The following TBCK variants were observed in gnomAD, a reference collection of about 807,000 sequenced individuals.
The protein encoded by TBCK is TBC1 domain containing kinase, also known as TBC domain-containing protein kinase-like protein.
TBCK carries 99 observed loss-of-function variants against 113.4 expected under a neutral mutation model. The observed-to-expected ratio is 0.87, with a 90% CI of 0.74 to 1.03. TBCK has a LOEUF of 1.03. Ranked by LOEUF, TBCK falls within the 50% of genes least tolerant of loss-of-function variation. The probability of loss-of-function intolerance (pLI) is 0.00; values close to 1 mark genes in which losing one functional copy is unlikely to be tolerated. For synonymous variants in TBCK, 369 were observed against 370.8 expected, an observed-to-expected ratio of 1.00 and a Z score of 0.05; for missense variants, 1,045 against 1,061.3, an observed-to-expected ratio of 0.98 and a Z score of 0.21.
At chr4:106,152,990 A>AT (rs1276374914) in intron 23 of TBCK, among the ~76,000 whole-genome samples, 9 of 151,896 alleles carry the variant, frequency 5.9e-5, no homozygotes, top group Non-Finnish European at 1.0e-4. Context: ...ACATTTGTTA[A>AT]TTTTGTTTAA....
chr4:106,101,000 A>G (rs115047564), intron 24 of TBCK, among the ~76,000 whole-genome samples: 2,416 of 152,212 alleles, frequency 0.016, 37 homozygotes, highest in Non-Finnish European at 0.021. Flanking sequence ...TGCCCATCCT[A>G]TATTTCCATG....
chr4:106,268,289 A>T (rs76943334), intron 3 of TBCK, among the ~76,000 whole-genome samples: 1 of 151,998 alleles, frequency 6.6e-6, no homozygotes, highest in African/African-American at 2.4e-5. Flanking sequence ...CCGACAGTAC[A>T]CAGTTGAGGG....
At chr4:106,122,636 G>A (rs1201328647) in intron 23 of TBCK, among the ~76,000 whole-genome samples, 5 of 152,154 alleles carry the variant, frequency 3.3e-5, no homozygotes, top group Admixed American at 2.6e-4. Context: ...ATAAAATACT[G>A]GCAAAACGAA....
At chr4:106,222,141 G>A (rs1039528475) in intron 19 of TBCK, among the ~76,000 whole-genome samples, 1 of 151,810 alleles carries the variant, frequency 6.6e-6, no homozygotes, top group African/African-American at 2.4e-5. Context: ...TTCAAGTGAA[G>A]TTTATTATAT....
chr4:106,290,946 C>T (rs1459218353), intron 3 of TBCK, among the ~76,000 whole-genome samples: 2 of 152,122 alleles, frequency 1.3e-5, no homozygotes, highest in Non-Finnish European at 2.9e-5. Flanking sequence ...GTGATGCTAG[C>T]GCTGGGGAGT....
In TBCK at chr4:106,169,306, A is replaced by C. The variant is rs115806423; in HGVS notation, c.2235+1789T>G. Among the ~76,000 whole-genome samples, 1,511 of 152,240 alleles carry C rather than the reference A, an allele frequency of 9.9e-3. 21 individuals are homozygous for C. Among genetic ancestry groups the C allele is most frequent in the African/African-American group, 0.035 (1,440 of 41,558 alleles). ...CTGACACTTCTGAGCTTCAAGACAA[A>C]TTATAAATCAAAACAGCATAGTATT... On this transcript the variant is annotated intron_variant, in intron 23 of 25. Coordinates refer to ENST00000394708, the MANE Select transcript of TBCK (RefSeq NM_001163435.3).
chr4:106,091,824 T>G (rs1438515827), intron 25 of TBCK, among the ~76,000 whole-genome samples: 1 of 152,236 alleles, frequency 6.6e-6, no homozygotes, highest in African/African-American at 2.4e-5. Flanking sequence ...TGGGGCAGCC[T>G]GCTTTTATTC....
chr4:106,141,560 A>G (rs1747145467), intron 23 of TBCK, among the ~76,000 whole-genome samples: 1 of 140,884 alleles, frequency 7.1e-6, no homozygotes, highest in African/African-American at 2.5e-5. Flanking sequence ...CTTAATCACT[A>G]TATCAAACTG....
intron 2 of TBCK, among the ~76,000 whole-genome samples, chr4:106,302,823 T>C (rs1339459155): frequency 6.6e-6 from 1 of 152,196 alleles, no homozygotes; most frequent in Non-Finnish European, 1.5e-5. Context: ...ATCTATTAAT[T>C]GCTTGGTGAT....
intron 3 of TBCK, among the ~76,000 whole-genome samples, chr4:106,289,956 A>G (rs781003726): frequency 4.6e-5 from 7 of 152,252 alleles, no homozygotes; most frequent in Admixed American, 1.3e-4. Flanking sequence ...GGCATATTGC[A>G]TCACACATAT....
rs1186626459 is a variant in TBCK, at chr4:106,043,368, A to G, written c.*3202T>C. 6.6e-6 allele frequency: 1 copy of G among 152,150 alleles called. No individual in the cohort carries two copies. Among genetic ancestry groups the G allele is most frequent in the East Asian group, 1.9e-4 (1 of 5,186 alleles). 9.4% of individuals were successfully genotyped at this position (152,150 alleles called of 1,614,324 possible). ...TCAATTTATTTCTATACTATCAGGT[A>G]CCAGATAAGTTTGGCAGTTGAAAAA... On this transcript the variant is annotated 3_prime_UTR_variant, in exon 26 of 26. Coordinates refer to ENST00000394708, the MANE Select transcript of TBCK (RefSeq NM_001163435.3).
chr4:106,247,077 G>A, intron 10 of TBCK, 62 bp downstream of exon 10: 2 of 1,513,090 alleles, frequency 1.3e-6, no homozygotes, highest in Non-Finnish European at 1.8e-6. Context: ...CTGAAAGTAG[G>A]ACAAGGAAAC....
At position 106,247,180 on chromosome 4, in the gene TBCK, G is replaced by A; in HGVS notation, c.890C>T (p.Ala297Val). The A allele has an allele frequency of 6.2e-7, 1 of 1,613,432 alleles. No individual in the cohort carries two copies. Among genetic ancestry groups the A allele is most frequent in the Non-Finnish European group, 8.5e-7 (1 of 1,179,644 alleles). ...GATATCCTCAGGCAGAGTTAAATCAGCACATCTCAGAGAAGATGAAAACAG... is the reference window on the plus strand; with the variant it reads ...GATATCCTCAGGCAGAGTTAAATCAACACATCTCAGAGAAGATGAAAACAG... Reference protein sequence around the residue: ...ASLFSSSLRCADLTLPEDISQ... With the variant: ...ASLFSSSLRCVDLTLPEDISQ... The change falls in exon 10 of 26, where the codon GCT becomes GTT. Residue 297 changes from alanine (A) to valine (V), a missense_variant. Ala to Val is a moderately conservative substitution (Grantham distance 64). Coordinates refer to ENST00000394708, the MANE Select transcript of TBCK (RefSeq NM_001163435.3).
intron 3 of TBCK, among the ~76,000 whole-genome samples, chr4:106,276,405 A>G (rs1764030313): frequency 6.6e-6 from 1 of 152,196 alleles, no homozygotes; most frequent in Non-Finnish European, 1.5e-5. Context: ...GACACATTAG[A>G]CTTGATCACA....
chr4:106,159,074 C>T (rs1226097872), intron 23 of TBCK, among the ~76,000 whole-genome samples: 1 of 148,508 alleles, frequency 6.7e-6, no homozygotes, highest in African/African-American at 2.5e-5. Context: ...AAATTGATAC[C>T]AAAAAAAGAA....
intron 12 of TBCK, among the ~76,000 whole-genome samples, chr4:106,241,484 T>C (rs1760134091): frequency 2.0e-5 from 3 of 151,968 alleles, no homozygotes; most frequent in Non-Finnish European, 2.9e-5. Flanking sequence ...CCTTGCTAGA[T>C]ATCAACAGTT....
Position 106,122,576 on chromosome 4 carries a change from A to G in TBCK, c.2236-6198T>C, listed in dbSNP as rs1486820507. ...AGCCTGGCAGAGACACAGCAAAAAA[A>G]GCGAATTTTAGACCAACATCCCTGA... On this transcript the variant is annotated intron_variant, in intron 23 of 25. Coordinates refer to ENST00000394708, the MANE Select transcript of TBCK (RefSeq NM_001163435.3). Among the ~76,000 whole-genome samples, 3 of 152,362 alleles carry G rather than the reference A, an allele frequency of 2.0e-5. No individual in the cohort carries two copies. The Middle Eastern group carries it at 0.01, about 518-fold the overall frequency.
intron 24 of TBCK, among the ~76,000 whole-genome samples, chr4:106,096,960 A>G (rs1740994659): frequency 6.6e-6 from 1 of 152,206 alleles, no homozygotes; most frequent in African/African-American, 2.4e-5. Context: ...TTAAAAAAGT[A>G]CCCATCTATA....
intron 18 of TBCK, among the ~76,000 whole-genome samples, chr4:106,231,236 G>A (rs1163912350): frequency 2.0e-5 from 3 of 151,220 alleles, no homozygotes; most frequent in Non-Finnish European, 4.4e-5. Context: ...AAAAAAACCT[G>A]CCATTGAAAA....
Sources: allele counts gnomAD v4.1 joint callset (sites outside exome capture counted in the v4.1 genomes callset), GRCh38; gene constraint gnomAD v4.1.1; transcripts MANE v1.5; gene names NCBI Gene and HGNC (gene_info 2026-07-23, HGNC 2026-07-21).